Variants in DOK7 observed in about 807,000 individuals in gnomAD.
DOK7 encodes docking protein 7.
DOK7 carries 32 observed loss-of-function variants against 30.7 expected under a neutral mutation model. The ratio of observed to expected loss-of-function variants is 1.04; its 90% CI spans 0.79 to 1.40. The LOEUF (loss-of-function observed/expected upper bound fraction) is 1.40. Among genes scored for constraint, DOK7 ranks in the 40% most tolerant of loss-of-function variants. DOK7 has a pLI of 0.00. For synonymous variants in DOK7, 447 were observed against 324.1 expected (o/e 1.38, Z -4.07); for missense variants, 1,007 against 699.2 (o/e 1.44, Z -4.97).
intron 2 of DOK7, among the ~76,000 whole-genome samples, chr4:3,470,384 T>TGG (rs1312329878): frequency 6.6e-6 from 1 of 152,250 alleles, no homozygotes; most frequent in Non-Finnish European, 1.5e-5. Flanking sequence ...GCTCAGCCCC[T>TGG]GCCTGTAAGT....
intron 2 of DOK7, among the ~76,000 whole-genome samples, chr4:3,469,178 T>C (rs1187744634): frequency 6.6e-6 from 1 of 150,726 alleles, no homozygotes; most frequent in African/African-American, 2.4e-5. Context: ...TGTGTGTGCG[T>C]CTGTGTGAGT....
chr4:3,464,144 G>C (rs757633661), intron 2 of DOK7, among the ~76,000 whole-genome samples: 9 of 152,168 alleles, frequency 5.9e-5, no homozygotes, highest in Non-Finnish European at 1.3e-4. Context: ...CGCCTGCAGC[G>C]CTGGGCCTGT....
At position 3,493,781 on chromosome 4, in the gene DOK7, G is replaced by A. The variant is rs1281656691; in HGVS notation, c.*280G>A. The A allele has an allele frequency of 2.2e-6, 3 of 1,379,186 alleles. No individual in the cohort carries two copies. Among genetic ancestry groups the A allele is most frequent in the East Asian group, 2.8e-5 (1 of 35,464 alleles). 85.4% of individuals were successfully genotyped at this position (1,379,186 alleles called of 1,614,324 possible). A position where few individuals can be genotyped will look rare whatever the true frequency, so the allele number is the denominator to read the frequency against. On this transcript the variant is annotated 3_prime_UTR_variant, in exon 7 of 7. Coordinates refer to ENST00000340083, the MANE Select transcript of DOK7 (RefSeq NM_173660.5). ...GCTTCACTCCGTGTCCCCCACCCCT[G>A]AGGATCAGGTGAGTGCTGCACCTCT...
chr4:3,484,865 A>G, intron 4 of DOK7: 1 of 985,430 alleles, frequency 1.0e-6, no homozygotes, highest in Non-Finnish European at 1.2e-6. Flanking sequence ...CACCTTTTAC[A>G]AACATCTGAA....
downstream of DOK7, chr4:3,496,809 CTT>C (rs1728935215): frequency 3.9e-6 from 6 of 1,535,060 alleles, no homozygotes; most frequent in Non-Finnish European, 5.2e-6. Flanking sequence ...CCCAGGTTCT[CTT>C]TGGTCTAGGG....
intron 4 of DOK7, among the ~76,000 whole-genome samples, chr4:3,480,700 C>T (rs1727392917): frequency 6.6e-6 from 1 of 152,262 alleles, no homozygotes. Context: ...CCCCTGCCGG[C>T]CACCTTTGGC....
chr4:3,469,013 AGTGT>A (rs1194358284), intron 2 of DOK7, among the ~76,000 whole-genome samples: 2 of 107,384 alleles, frequency 1.9e-5, no homozygotes, highest in Non-Finnish European at 3.9e-5. Context: ...TGCGTGTATG[AGTGT>A]GTGTGCCTGT....
chr4:3,480,355 C>A (rs1033993076), intron 4 of DOK7, among the ~76,000 whole-genome samples: 19 of 152,172 alleles, frequency 1.2e-4, no homozygotes, highest in African/African-American at 4.6e-4. Flanking sequence ...TGTCTGTAAT[C>A]CCAGCACTTT....
chr4:3,468,858 TGA>T (rs568724970), intron 2 of DOK7, among the ~76,000 whole-genome samples: 1,516 of 146,068 alleles, frequency 0.01, 14 homozygotes, highest in South Asian at 0.021. Flanking sequence ...TGTGCGCGTA[TGA>T]GTGTGCATGC....
downstream of DOK7, among the ~76,000 whole-genome samples, chr4:3,495,912 G>A (rs1270166877): frequency 4.6e-5 from 7 of 152,294 alleles, no homozygotes; most frequent in South Asian, 2.1e-4. Context: ...TGCTCAGGGG[G>A]CCTCGTGTGA....
At chr4:3,463,450 C>CGGGGGGGGGGGGGGGGGGGCGG in intron 1 of DOK7, 21 bp downstream of exon 1, 1 of 1,229,784 alleles carries the variant, frequency 8.1e-7, no homozygotes, top group Non-Finnish European at 1.0e-6. Context: ...GTCGGGGGCG[C>CGGGGGGGGGGGGGGGGGGGCGG]GGGGGGGGGG....
rs1177673685 is a variant in DOK7 at position 3,463,329 on chromosome 4, G to GGCTGGGGC, written c.-44_-37dup. ...GCGAGCTATTTTGAAAGTGACCCTGGGCTGGGGCGCCGGGGCGAGCGCGGC... is the reference window on the plus strand; with the variant it reads ...GCGAGCTATTTTGAAAGTGACCCTGGGCTGGGGCGCTGGGGCGCCGGGGCGAGCGCGGC... On this transcript the variant is annotated 5_prime_UTR_variant, in exon 1 of 7. Transcript: ENST00000340083. 21 of 1,425,372 alleles carry GGCTGGGGC rather than the reference G, an allele frequency of 1.5e-5. No homozygotes were observed. Among genetic ancestry groups the GGCTGGGGC allele is most frequent in the Admixed American group, 3.3e-5 (1 of 30,504 alleles). 88.3% of individuals were successfully genotyped at this position (1,425,372 alleles called of 1,614,324 possible).
intron 6 of DOK7, chr4:3,500,129 G>A (rs1370224569): frequency 2.4e-6 from 3 of 1,233,598 alleles, no homozygotes; most frequent in Non-Finnish European, 3.3e-6. Context: ...AACTTCCAAG[G>A]TGCAGGAGAG....
At chr4:3,474,132 C>T (rs1726932676) in intron 3 of DOK7, among the ~76,000 whole-genome samples, 2 of 152,144 alleles carry the variant, frequency 1.3e-5, no homozygotes, top group Admixed American at 6.5e-5. Context: ...CCCAGCCCTG[C>T]AGGGGCTTCG....
Position 3,493,237 on chromosome 4 carries a change from CCACAGCCCCCCCTCACAG to C in DOK7, c.1252_1269del (p.His418_Gln423del). On this transcript the variant is annotated inframe_deletion, in exon 7 of 7. Transcript: ENST00000340083. The stretch of plus-strand genomic sequence containing the variant: ...GCAGCCTTTGCCTGGCTCCTAGAGA[CCACAGCCCCCCCTCACAG>C]GGCAGCCCCGGCAACAGTGCGGCCA... The C allele has an allele frequency of 6.2e-7, 1 of 1,612,078 alleles. No individual in the cohort carries two copies. Among genetic ancestry groups the C allele is most frequent in the Non-Finnish European group, 8.5e-7 (1 of 1,179,672 alleles).
At chr4:3,490,498 TCC>T in intron 6 of DOK7, among the ~76,000 whole-genome samples, 1 of 110,954 alleles carries the variant, frequency 9.0e-6, no homozygotes, top group South Asian at 3.3e-4. Flanking sequence ...TCCTTCCTTT[TCC>T]CCCTGCTCAT....
In DOK7 at chr4:3,468,530, CTG is replaced by C. The variant is rs564156828; in HGVS notation, c.101-4873_101-4872del. 1.0e-3 allele frequency among the ~76,000 whole-genome samples: 134 copies of C among 132,214 alleles called. 1 individual carries two copies. The highest frequency in any genetic ancestry group is 4.9e-3 in the Middle Eastern group (1 of 204). The allele number at this position is 132,214 out of a possible 152,430, so 86.7% of individuals were successfully genotyped here. On this transcript the variant is annotated intron_variant, in intron 2 of 6. Coordinates refer to ENST00000340083, the MANE Select transcript of DOK7 (RefSeq NM_173660.5). ...TGTGTGCGTGTATGAGTGTGTGTGACTGTGAGTGTATGTGTGTGTGCCTGTGT... is the reference window on the plus strand; with the variant it reads ...TGTGTGCGTGTATGAGTGTGTGTGACTGAGTGTATGTGTGTGTGCCTGTGT...
chr4:3,484,238 G>A (rs765153665), intron 4 of DOK7, among the ~76,000 whole-genome samples: 13 of 152,226 alleles, frequency 8.5e-5, no homozygotes, highest in East Asian at 1.9e-4. Flanking sequence ...ACAAGGTGCC[G>A]CTCGCCCTCG....
At chr4:3,474,758 G>T (rs564605292) in intron 3 of DOK7, among the ~76,000 whole-genome samples, 63 of 152,062 alleles carry the variant, frequency 4.1e-4, no homozygotes, top group Non-Finnish European at 5.9e-4. Context: ...GGAGGCAGAG[G>T]TTGCAATGAG....
Sources: allele counts gnomAD v4.1 joint callset (sites outside exome capture counted in the v4.1 genomes callset), GRCh38; gene constraint gnomAD v4.1.1; transcripts MANE v1.5; gene names NCBI Gene and HGNC (gene_info 2026-07-23, HGNC 2026-07-21).